The following SRRM4 variants were observed in gnomAD, a reference collection of about 807,000 sequenced individuals.
SRRM4 encodes the protein serine/arginine repetitive matrix 4.
Under a neutral mutation model 68.9 loss-of-function variants are expected in SRRM4, and 33 were observed. That is an observed-to-expected ratio of 0.48 (90% CI 0.36 to 0.64). The LOEUF is 0.64. SRRM4 is among the 30% of genes least tolerant of loss of function. SRRM4 has a pLI of 0.00. For synonymous variants in SRRM4, 318 were observed against 318.8 expected, an observed-to-expected ratio of 1.00 and a Z score of 0.03; for missense variants, 817 against 827.1, an observed-to-expected ratio of 0.99 and a Z score of 0.15.
chr12:119,048,706 C>G (rs1353736403), intron 1 of SRRM4, among the ~76,000 whole-genome samples: 1 of 152,134 alleles, frequency 6.6e-6, no homozygotes, highest in Non-Finnish European at 1.5e-5. Context: ...GGGCTGATCA[C>G]TTGAGGTCAG....
intron 6 of SRRM4, among the ~76,000 whole-genome samples, 172 bp downstream of exon 6, chr12:119,122,292 CAGGAAGGAAGGA>C (rs56030105): frequency 1.9e-3 from 129 of 69,716 alleles, no homozygotes; most frequent in African/African-American, 5.3e-3. Flanking sequence ...GGCAGGAAGG[CAGGAAGGAAGGA>C]AGGAAGGAAG....
At chr12:118,996,847 T>C (rs1318598209) in intron 1 of SRRM4, among the ~76,000 whole-genome samples, 1 of 152,214 alleles carries the variant, frequency 6.6e-6, no homozygotes, top group Non-Finnish European at 1.5e-5. Context: ...AAAATGTCAC[T>C]TGTGAGGTCC....
chr12:119,102,274 A>T lies in SRRM4; in HGVS notation c.170A>T (p.Asp57Val), dbSNP rs1954082128. ...PQNNPVVPAQDGPSEKLGQHL... is the reference protein window; with the variant it reads ...PQNNPVVPAQVGPSEKLGQHL... The stretch of plus-strand genomic sequence containing the variant: ...AATAACCCCGTTGTCCCAGCTCAGG[A>T]TGGACCCTCAGAAAAGCTGGGTCAG... The change falls in exon 2 of 13, where the codon GAT (aspartate) becomes GTT (valine). Residue 57 changes from aspartate to valine, a missense_variant. By Grantham distance (152) the Asp-to-Val change is radical (BLOSUM62 -3). Coordinates refer to ENST00000267260, the MANE Select transcript of SRRM4 (RefSeq NM_194286.4). The T allele has an allele frequency of 6.2e-7, 1 of 1,613,704 alleles. No individual in the cohort carries two copies. The highest frequency in any genetic ancestry group is 8.5e-7 in the Non-Finnish European group (1 of 1,179,816).
chr12:119,066,900 C>T (rs2136024326), intron 1 of SRRM4, among the ~76,000 whole-genome samples: 1 of 152,338 alleles, frequency 6.6e-6, no homozygotes, highest in Non-Finnish European at 1.5e-5. Context: ...TGTGCACACA[C>T]ACATCCATTC....
chr12:119,111,126 T>G (rs1057219249), intron 2 of SRRM4, among the ~76,000 whole-genome samples: 1 of 152,224 alleles, frequency 6.6e-6, no homozygotes, highest in African/African-American at 2.4e-5. Flanking sequence ...CATACTCAAC[T>G]GATACTTATT....
chr12:119,036,194 G>A lies in SRRM4; in HGVS notation c.131+54181G>A, dbSNP rs80061609. On this transcript the variant is annotated intron_variant, in intron 1 of 12. Transcript: ENST00000267260. ...CAGCAAAATTTCAGCAGTGTCCCAC[G>A]TCTTCACACTTCAAGTACTCTATGA... is the stretch of plus-strand genomic sequence containing the variant. Among the ~76,000 whole-genome samples, 1,335 of 152,218 alleles carry A rather than the reference G, an allele frequency of 8.8e-3. 25 individuals are homozygous for A. Among genetic ancestry groups the A allele is most frequent in the African/African-American group, 0.031 (1,276 of 41,538 alleles).
At chr12:119,142,632 T>TC (rs200479812) in intron 8 of SRRM4, among the ~76,000 whole-genome samples, 2,621 of 152,174 alleles carry the variant, frequency 0.017, 78 homozygotes, top group African/African-American at 0.059. Flanking sequence ...ATAATGAAAA[T>TC]TATTGTACTC....
At chr12:119,075,194 A>T (rs1240655669) in intron 1 of SRRM4, among the ~76,000 whole-genome samples, 1 of 152,240 alleles carries the variant, frequency 6.6e-6, no homozygotes, top group Non-Finnish European at 1.5e-5. Flanking sequence ...ATCATTTTGG[A>T]TCTTTCTTAT....
intron 2 of SRRM4, among the ~76,000 whole-genome samples, chr12:119,104,997 G>A (rs1954098376): frequency 8.6e-6 from 1 of 116,880 alleles, no homozygotes; most frequent in African/African-American, 3.5e-5. Flanking sequence ...AGGCCCCACT[G>A]TGTGATGTTC....
chr12:119,160,289 G>GTCTCTCTC lies in SRRM4; in HGVS notation c.*3518_*3525dup, dbSNP rs55907957. 3.2e-3 allele frequency: 463 copies of GTCTCTCTC among 143,154 alleles called. 5 individuals carry two copies. The highest frequency in any genetic ancestry group is 0.01 in the African/African-American group (397 of 38,214). The allele number at this position is 143,154 out of a possible 1,614,324, so 8.9% of individuals were successfully genotyped here. ...TGTCTCTCTCTCTGTCTCTCTCTCT[G>GTCTCTCTC]TCTCTCTCTCTCTCTCTCTCTCTCT... On this transcript the variant is annotated 3_prime_UTR_variant, in exon 13 of 13. Transcript: ENST00000267260.
intron 1 of SRRM4, among the ~76,000 whole-genome samples, chr12:119,088,697 G>T (rs1237361465): frequency 6.8e-6 from 1 of 147,520 alleles, no homozygotes; most frequent in Non-Finnish European, 1.5e-5. Context: ...TAAGTGGGGG[G>T]CCACAAAAGG....
chr12:119,070,160 G>A (rs557462257), intron 1 of SRRM4, among the ~76,000 whole-genome samples: 1 of 150,768 alleles, frequency 6.6e-6, no homozygotes, highest in Admixed American at 6.6e-5. Flanking sequence ...GCACTCTACA[G>A]TATAAGCAAA....
chr12:118,984,121 A>C (rs762362999), intron 1 of SRRM4, among the ~76,000 whole-genome samples: 1 of 152,196 alleles, frequency 6.6e-6, no homozygotes, highest in Non-Finnish European at 1.5e-5. Flanking sequence ...AGAGAGTGAG[A>C]AGGGAACATT....
chr12:119,002,588 C>T (rs907529147), intron 1 of SRRM4, among the ~76,000 whole-genome samples: 6 of 152,156 alleles, frequency 3.9e-5, no homozygotes, highest in Non-Finnish European at 7.3e-5. Context: ...GTGGGGCAAA[C>T]AAGTAAGAAG....
chr12:119,103,177 A>G (rs1256137719), intron 2 of SRRM4, among the ~76,000 whole-genome samples: 3 of 152,212 alleles, frequency 2.0e-5, no homozygotes, highest in African/African-American at 7.2e-5. Flanking sequence ...TATTTCTAGA[A>G]GATGTGATCA....
intron 6 of SRRM4, among the ~76,000 whole-genome samples, chr12:119,125,150 A>G (rs971192530): frequency 7.2e-5 from 11 of 152,106 alleles, no homozygotes; most frequent in Non-Finnish European, 1.6e-4. Context: ...CACTCCCTTC[A>G]GAGGACCCCT....
rs1342506927 is a variant in SRRM4, at chr12:119,159,869, T to G, written c.*3071T>G. 6.8e-6 allele frequency: 1 copy of G among 146,440 alleles called. No homozygotes were observed. The highest frequency in any genetic ancestry group is 1.5e-5 in the Non-Finnish European group (1 of 67,212). 9.1% of individuals were successfully genotyped at this position (146,440 alleles called of 1,614,324 possible). A position where few individuals can be genotyped will look rare whatever the true frequency, so the allele number is the denominator to read the frequency against. On this transcript the variant is annotated 3_prime_UTR_variant, in exon 13 of 13. Coordinates refer to ENST00000267260, the MANE Select transcript of SRRM4 (RefSeq NM_194286.4). ...TTCATCAGGGGAAAGCACAAAGCTATTTCTGAAATTAGGAAAAAAAAAAAA... is the reference window on the plus strand; with the variant it reads ...TTCATCAGGGGAAAGCACAAAGCTAGTTCTGAAATTAGGAAAAAAAAAAAA...
chr12:119,094,583 G>A (rs1335109790), intron 1 of SRRM4, among the ~76,000 whole-genome samples: 1 of 152,166 alleles, frequency 6.6e-6, no homozygotes, highest in Non-Finnish European at 1.5e-5. Flanking sequence ...CCACTGCTTT[G>A]TCTTGGTGCT....
intron 1 of SRRM4, among the ~76,000 whole-genome samples, chr12:119,065,018 A>G (rs1592883493): frequency 6.6e-6 from 1 of 152,206 alleles, no homozygotes; most frequent in Non-Finnish European, 1.5e-5. Flanking sequence ...ACTAGGAATC[A>G]TGTTAACCTC....
Sources: allele counts gnomAD v4.1 joint callset (sites outside exome capture counted in the v4.1 genomes callset), GRCh38; gene constraint gnomAD v4.1.1; transcripts MANE v1.5; gene names NCBI Gene and HGNC (gene_info 2026-07-23, HGNC 2026-07-21).